Variants in ELK3 observed in about 807,000 individuals in gnomAD.
ELK3 encodes the protein ETS domain-containing protein Elk-3.
Under a neutral mutation model 28.9 loss-of-function variants are expected in ELK3, and 10 were observed. That is an observed-to-expected ratio of 0.35 (90% CI 0.21 to 0.59). The LOEUF (loss-of-function observed/expected upper bound fraction) is 0.59, where lower values mean the gene tolerates loss of function less well. Ranked by LOEUF, ELK3 falls within the 20% of genes least tolerant of loss-of-function variation. The pLI, the probability that ELK3 is intolerant of heterozygous loss-of-function variation, is 0.82. For missense variants in ELK3, 463 were observed against 517.3 expected (o/e 0.90, Z 1.02); for synonymous variants, 272 against 243.5 (o/e 1.12, Z -1.09).
Position 96,223,779 on chromosome 12 carries a change from C to T in ELK3, c.207+6C>T, listed in dbSNP as rs1291747473. The T allele has an allele frequency of 6.2e-7, 1 of 1,613,652 alleles. No individual in the cohort carries two copies. The highest frequency in any genetic ancestry group is 1.3e-5 in the African/African-American group (1 of 74,910). The stretch of plus-strand genomic sequence containing the variant: ...TGCGATACTATTATGACAAGGTAAA[C>T]CCTTGACCTTGCATGGGGCCGTCTT... On this transcript the variant is annotated splice_donor_region_variant and intron_variant, in intron 2 of 4. Transcript: ENST00000228741.
intron 4 of ELK3, among the ~76,000 whole-genome samples, chr12:96,262,418 T>G (rs374922597): frequency 5.3e-5 from 8 of 152,324 alleles, no homozygotes; most frequent in African/African-American, 1.4e-4. Context: ...TTTAGAATTC[T>G]GCATCAGAAA....
At position 96,249,891 on chromosome 12, in the gene ELK3, G is replaced by C. The variant is rs924324750; in HGVS notation, c.1002+2157G>C. 5.3e-5 allele frequency among the ~76,000 whole-genome samples: 8 copies of C among 152,192 alleles called. No individual in the cohort carries two copies. In the East Asian group the frequency reaches 1.2e-3, roughly 22 times the overall value. ...AAGCCACCAGCATGGCCTGAAACTA[G>C]GTGGGAAGGCGTAGGAAAGCCAGGA... On this transcript the variant is annotated intron_variant, in intron 3 of 4. Coordinates refer to ENST00000228741, the MANE Select transcript of ELK3 (RefSeq NM_005230.4).
chr12:96,223,526 C>T (rs2302902), intron 1 of ELK3, 39 bp from the exon 2 acceptor site: 393,973 of 1,605,076 alleles, frequency 0.25, 52,257 homozygotes, highest in East Asian at 0.57. Flanking sequence ...TGGTCGGCAT[C>T]GTGACCAGCA....
At chr12:96,211,848 T>C (rs531683344) in intron 1 of ELK3, among the ~76,000 whole-genome samples, 5 of 152,316 alleles carry the variant, frequency 3.3e-5, no homozygotes, top group African/African-American at 1.2e-4. Context: ...CTTTTCTGTG[T>C]CCAGTATTAT....
At chr12:96,259,636 A>G in intron 3 of ELK3, 95 bp from the exon 4 acceptor site, 1 of 1,402,582 alleles carries the variant, frequency 7.1e-7, no homozygotes, top group Non-Finnish European at 9.5e-7. Context: ...TTCCTGGCCC[A>G]TGCCTAGCCT....
chr12:96,244,711 G>A (rs955379542), intron 2 of ELK3, among the ~76,000 whole-genome samples: 1 of 152,100 alleles, frequency 6.6e-6, no homozygotes, highest in Non-Finnish European at 1.5e-5. Context: ...AAATTTTAGC[G>A]AAGGAAGCAT....
chr12:96,200,845 T>TA (rs1164775193), intron 1 of ELK3, among the ~76,000 whole-genome samples: 1 of 152,192 alleles, frequency 6.6e-6, no homozygotes, highest in African/African-American at 2.4e-5. Flanking sequence ...GTATTTTTAA[T>TA]AGAGACGGGC....
At chr12:96,197,230 G>C (rs1256256431) in intron 1 of ELK3, among the ~76,000 whole-genome samples, 1 of 152,154 alleles carries the variant, frequency 6.6e-6, no homozygotes, top group Non-Finnish European at 1.5e-5. Context: ...TTCACAACTA[G>C]GAGTAATTTT....
At chr12:96,236,430 G>A (rs1951784085) in intron 2 of ELK3, among the ~76,000 whole-genome samples, 1 of 152,202 alleles carries the variant, frequency 6.6e-6, no homozygotes, top group East Asian at 1.9e-4. Context: ...AGTTCACGCT[G>A]CAGTTTACCG....
At chr12:96,266,931 C>T in intron 4 of ELK3, 151 bp from the exon 5 acceptor site, 1 of 521,442 alleles carries the variant, frequency 1.9e-6, no homozygotes. Context: ...TGTCATCTTC[C>T]AATTATTCTG....
At chr12:96,200,971 A>AT (rs916865597) in intron 1 of ELK3, among the ~76,000 whole-genome samples, 30 of 152,172 alleles carry the variant, frequency 2.0e-4, no homozygotes, top group African/African-American at 6.3e-4. Flanking sequence ...CCTCTGGCTA[A>AT]TTTTTTTATT....
At chr12:96,198,880 T>G (rs1481425019) in intron 1 of ELK3, among the ~76,000 whole-genome samples, 2 of 152,266 alleles carry the variant, frequency 1.3e-5, no homozygotes, top group African/African-American at 4.8e-5. Flanking sequence ...TGTAACACAT[T>G]TTAATAATTA....
At chr12:96,255,033 G>A (rs1951937541) in intron 3 of ELK3, among the ~76,000 whole-genome samples, 1 of 152,146 alleles carries the variant, frequency 6.6e-6, no homozygotes. Context: ...TTGGGAAGGG[G>A]GAAGGCTGGA....
intron 2 of ELK3, among the ~76,000 whole-genome samples, chr12:96,238,965 G>A (rs1951801656): frequency 6.6e-6 from 1 of 152,144 alleles, no homozygotes; most frequent in Admixed American, 6.5e-5. Context: ...GGGTGTGGTA[G>A]TGGAACAGAA....
chr12:96,221,532 G>T (rs950837125), intron 1 of ELK3, among the ~76,000 whole-genome samples: 6 of 152,196 alleles, frequency 3.9e-5, no homozygotes, highest in African/African-American at 1.4e-4. Flanking sequence ...AAGTTTCAAA[G>T]ATATGTTAAA....
intron 2 of ELK3, among the ~76,000 whole-genome samples, chr12:96,227,525 C>T (rs1951710762): frequency 2.9e-5 from 1 of 34,158 alleles, no homozygotes; most frequent in African/African-American, 1.3e-4. Context: ...TGCAAACTTG[C>T]AGAAGGCCCC....
intron 4 of ELK3, among the ~76,000 whole-genome samples, chr12:96,266,611 G>GA (rs1254760334): frequency 6.6e-6 from 1 of 152,066 alleles, no homozygotes; most frequent in East Asian, 1.9e-4. Context: ...AATGCTGCAA[G>GA]AATCATCTTT....
In ELK3 at chr12:96,228,416, CAAAAAAAAA is replaced by C. The variant is rs71091236; in HGVS notation, c.207+4663_207+4671del. Reference sequence around the variant, plus strand: ...CTGGCGACAGAGTGAGACTCTGTGTCAAAAAAAAAAAAAAAAAAAAAAAAAAAAGAAGAT... The same window carrying C: ...CTGGCGACAGAGTGAGACTCTGTGTCAAAAAAAAAAAAAAAAAAAGAAGAT... On this transcript the variant is annotated intron_variant, in intron 2 of 4. Coordinates refer to ENST00000228741, the MANE Select transcript of ELK3 (RefSeq NM_005230.4). Among the ~76,000 whole-genome samples the C allele has an allele frequency of 9.5e-3, 649 of 68,338 alleles. 9 individuals carry two copies. Among genetic ancestry groups the C allele is most frequent in the African/African-American group, 0.027 (456 of 16,932 alleles). The allele number at this position is 68,338 out of a possible 152,430, so 44.8% of individuals were successfully genotyped here. A position where few individuals can be genotyped will look rare whatever the true frequency, so the allele number is the denominator to read the frequency against.
chr12:96,241,550 A>C (rs958722034), intron 2 of ELK3, among the ~76,000 whole-genome samples: 1 of 152,090 alleles, frequency 6.6e-6, no homozygotes, highest in African/African-American at 2.4e-5. Flanking sequence ...ACTGAAATGG[A>C]AATGGAAATA....
Sources: allele counts gnomAD v4.1 joint callset (sites outside exome capture counted in the v4.1 genomes callset), GRCh38; gene constraint gnomAD v4.1.1; transcripts MANE v1.5; gene names NCBI Gene and HGNC (gene_info 2026-07-23, HGNC 2026-07-21).